The following DDX10 variants were observed in gnomAD, a reference collection of about 807,000 sequenced individuals.
DDX10 encodes the protein DEAD-box helicase 10.
In DDX10, 74 loss-of-function variants were observed where a neutral mutation model predicts 104.3. The observed-to-expected ratio is 0.71, with a 90% CI of 0.59 to 0.86. The LOEUF is 0.86. DDX10 is among the 40% of genes least tolerant of loss of function. The pLI is 0.00. For missense variants in DDX10, 952 were observed against 1,040.0 expected (o/e 0.92, Z 1.16); for synonymous variants, 351 against 353.4 (o/e 0.99, Z 0.08).
intron 13 of DDX10, among the ~76,000 whole-genome samples, chr11:108,801,038 A>G (rs1862013408): frequency 6.6e-6 from 1 of 152,186 alleles, no homozygotes; most frequent in Non-Finnish European, 1.5e-5. Context: ...ACTCAGATAC[A>G]ATTGCCTCAT....
chr11:108,695,396 C>G (rs1302937460), intron 9 of DDX10, among the ~76,000 whole-genome samples: 1 of 152,142 alleles, frequency 6.6e-6, no homozygotes, highest in Non-Finnish European at 1.5e-5. Context: ...ATGCCACAAA[C>G]TCTTCTCAAA....
chr11:108,793,371 A>G (rs1861896952), intron 13 of DDX10, among the ~76,000 whole-genome samples: 1 of 152,206 alleles, frequency 6.6e-6, no homozygotes, highest in African/African-American at 2.4e-5. Context: ...ATCAGTAAAC[A>G]TTACCGACAA....
At chr11:108,747,044 T>C (rs1458255397) in intron 13 of DDX10, among the ~76,000 whole-genome samples, 1 of 152,136 alleles carries the variant, frequency 6.6e-6, no homozygotes, top group Admixed American at 6.6e-5. Context: ...GAAATGTGTA[T>C]GTCACATTGT....
chr11:108,920,055 T>G (rs185012411), intron 17 of DDX10: 15 of 152,296 alleles, frequency 9.8e-5, no homozygotes, highest in Non-Finnish European at 7.4e-5. Context: ...TTGAATTGAT[T>G]AATTGATTGA....
intron 17 of DDX10, among the ~76,000 whole-genome samples, chr11:108,928,676 A>G (rs541486782): frequency 6.6e-6 from 1 of 152,322 alleles, no homozygotes; most frequent in African/African-American, 2.4e-5. Context: ...AGCTTTCTTC[A>G]TCAGTCAAAG....
intron 16 of DDX10, among the ~76,000 whole-genome samples, chr11:108,910,289 A>C (rs1442644694): frequency 6.6e-6 from 1 of 152,224 alleles, no homozygotes; most frequent in African/African-American, 2.4e-5. Flanking sequence ...GTGTATGTCC[A>C]GGTTTGTATG....
intron 9 of DDX10, among the ~76,000 whole-genome samples, chr11:108,701,806 C>T (rs952195674): frequency 1.7e-4 from 26 of 149,772 alleles, no homozygotes; most frequent in African/African-American, 6.1e-4. Context: ...CTTGTCTCAG[C>T]CTCCTGAGTA....
At chr11:108,776,686 G>A (rs2094370330) in intron 13 of DDX10, among the ~76,000 whole-genome samples, 1 of 152,140 alleles carries the variant, frequency 6.6e-6, no homozygotes, top group Admixed American at 6.6e-5. Flanking sequence ...TAAAAACTCC[G>A]AGGGTTTTCT....
chr11:108,739,072 C>A (rs539597626), intron 13 of DDX10, among the ~76,000 whole-genome samples: 4 of 152,152 alleles, frequency 2.6e-5, no homozygotes, highest in Admixed American at 6.5e-5. Flanking sequence ...TCTGCCCCCC[C>A]AGGGAGACAC....
At chr11:108,861,952 G>T (rs1161352555) in intron 16 of DDX10, among the ~76,000 whole-genome samples, 1 of 152,014 alleles carries the variant, frequency 6.6e-6, no homozygotes, top group South Asian at 2.1e-4. Context: ...GCTTGAACTC[G>T]GGAGGCGGAG....
At chr11:108,697,082 A>G (rs948437382) in intron 9 of DDX10, among the ~76,000 whole-genome samples, 2 of 152,172 alleles carry the variant, frequency 1.3e-5, no homozygotes, top group Admixed American at 1.3e-4. Context: ...TACTAATCTG[A>G]AAAAAATGTT....
intron 16 of DDX10, among the ~76,000 whole-genome samples, chr11:108,853,832 T>C (rs986092146): frequency 9.9e-5 from 15 of 152,214 alleles, no homozygotes; most frequent in African/African-American, 3.4e-4. Context: ...AAGATTTTTC[T>C]TGTCAAGGGA....
At chr11:108,691,836 A>C (rs1187690559) in intron 7 of DDX10, 40 bp from the exon 8 acceptor site, 1 of 1,581,148 alleles carries the variant, frequency 6.3e-7, no homozygotes, top group South Asian at 1.2e-5. Flanking sequence ...TATTGCTGCC[A>C]TCTGCCATAA....
intron 1 of DDX10, among the ~76,000 whole-genome samples, chr11:108,671,728 C>T (rs1433194889): frequency 6.6e-6 from 1 of 152,122 alleles, no homozygotes; most frequent in Non-Finnish European, 1.5e-5. Context: ...CTGTAGTTTG[C>T]TGGGCCCTAT....
intron 1 of DDX10, among the ~76,000 whole-genome samples, chr11:108,669,552 T>C (rs1156315874): frequency 6.6e-6 from 1 of 152,204 alleles, no homozygotes; most frequent in Non-Finnish European, 1.5e-5. Context: ...CTGAGTTGGC[T>C]TCAGATGGGT....
At chr11:108,773,587 C>G (rs890047243) in intron 13 of DDX10, among the ~76,000 whole-genome samples, 10 of 152,024 alleles carry the variant, frequency 6.6e-5, no homozygotes, top group African/African-American at 2.4e-4. Context: ...TGCATAAATG[C>G]ACTTTTCACT....
chr11:108,665,159 C>A lies in DDX10; in HGVS notation c.6C>A (p.Gly2=). The A allele has an allele frequency of 3.7e-6, 6 of 1,607,118 alleles. No individual in the cohort carries two copies. Among genetic ancestry groups the A allele is most frequent in the Non-Finnish European group, 5.1e-6 (6 of 1,177,430 alleles). The change falls in exon 1 of 18, where the codon GGC becomes GGA. Residue 2 remains glycine (G), a synonymous_variant. Coordinates refer to ENST00000322536, the MANE Select transcript of DDX10 (RefSeq NM_004398.4). ...CTGTCGCCGCCGCCGCCGCAATGGGCAAAACGGCCAACTCTCCGGGTTCGG... is the reference window on the plus strand; with the variant it reads ...CTGTCGCCGCCGCCGCCGCAATGGGAAAAACGGCCAACTCTCCGGGTTCGG... M[G]KTANSPGSGA... is the part of the protein sequence containing the mutation.
chr11:108,932,628 C>T (rs919865447), intron 17 of DDX10, among the ~76,000 whole-genome samples: 10 of 151,958 alleles, frequency 6.6e-5, no homozygotes, highest in African/African-American at 2.4e-4. Flanking sequence ...TTTAGAGTAG[C>T]TAGTGGCTTC....
chr11:108,777,500 T>C (rs1421466930), intron 13 of DDX10, among the ~76,000 whole-genome samples: 5 of 152,038 alleles, frequency 3.3e-5, no homozygotes, highest in Admixed American at 2.0e-4. Flanking sequence ...GTTTTGTGTT[T>C]TTAGTAGAGA....
Sources: allele counts gnomAD v4.1 joint callset (sites outside exome capture counted in the v4.1 genomes callset), GRCh38; gene constraint gnomAD v4.1.1; transcripts MANE v1.5; gene names NCBI Gene and HGNC (gene_info 2026-07-23, HGNC 2026-07-21).